Variants in MCTP1 observed in about 807,000 individuals in gnomAD.
MCTP1 encodes the protein multiple C2 and transmembrane domain-containing protein 1.
Under a neutral mutation model 120.6 loss-of-function variants are expected in MCTP1, and 69 were observed. That is an observed-to-expected ratio of 0.57 (90% CI 0.47 to 0.70). The LOEUF is 0.70. MCTP1 is among the 30% of genes least tolerant of loss of function. The pLI is 0.00. For missense variants in MCTP1, 1,203 were observed against 1,248.8 expected, an observed-to-expected ratio of 0.96 and a Z score of 0.55; for synonymous variants, 529 against 493.1, an observed-to-expected ratio of 1.07 and a Z score of -0.96.
chr5:95,160,087 T>C (rs1428320052), intron 1 of MCTP1, among the ~76,000 whole-genome samples: 1 of 152,172 alleles, frequency 6.6e-6, no homozygotes, highest in Non-Finnish European at 1.5e-5. Flanking sequence ...TGAAGTGCTT[T>C]GTATACAACG....
At position 95,061,408 on chromosome 5, in the gene MCTP1, GTTTTTTTTTTTTTTTTTTTTTT is replaced by G. The variant is rs556663513; in HGVS notation, c.721-43946_721-43925del. On this transcript the variant is annotated intron_variant, in intron 1 of 22. Transcript: ENST00000515393. ...ATCAATTTTCACAAACCCCTTAAGG[GTTTTTTTTTTTTTTTTTTTTTT>G]TTTTTTTTTTTTTTTTTTTTTTTGA... Among the ~76,000 whole-genome samples, 92 of 33,490 alleles carry G rather than the reference GTTTTTTTTTTTTTTTTTTTTTT, an allele frequency of 2.7e-3. 5 individuals are homozygous for G. Among genetic ancestry groups the G allele is most frequent in the Admixed American group, 4.6e-3 (13 of 2,808 alleles). 22.0% of individuals were successfully genotyped at this position (33,490 alleles called of 152,430 possible).
At chr5:95,005,708 C>G (rs1485413454) in intron 2 of MCTP1, among the ~76,000 whole-genome samples, 1 of 151,872 alleles carries the variant, frequency 6.6e-6, no homozygotes, top group Admixed American at 6.6e-5. Flanking sequence ...GAGGCCTCCT[C>G]AGAAAGAGAA....
At chr5:95,203,702 T>C (rs1751317607) in intron 1 of MCTP1, among the ~76,000 whole-genome samples, 1 of 152,228 alleles carries the variant, frequency 6.6e-6, no homozygotes, top group Non-Finnish European at 1.5e-5. Flanking sequence ...AGTTAAAAGC[T>C]AAACTGCCAA....
intron 10 of MCTP1, 66 bp downstream of exon 10, chr5:94,909,185 T>C (rs1807773296): frequency 3.9e-6 from 6 of 1,542,268 alleles, no homozygotes; most frequent in Non-Finnish European, 4.4e-6. Context: ...ATAACCAGGC[T>C]TACAGCAAAT....
intron 17 of MCTP1, 181 bp downstream of exon 17, chr5:94,868,152 T>C (rs1797170866): frequency 2.3e-6 from 1 of 436,634 alleles, no homozygotes; most frequent in East Asian, 3.8e-5. Context: ...AATGTATTCT[T>C]AGACTCAGAC....
intron 2 of MCTP1, among the ~76,000 whole-genome samples, chr5:95,014,340 G>A (rs1836658286): frequency 6.6e-6 from 1 of 152,116 alleles, no homozygotes; most frequent in African/African-American, 2.4e-5. Flanking sequence ...GGAAGAAGTT[G>A]ATTTTAACCC....
At position 95,100,180 on chromosome 5, in the gene MCTP1, G is replaced by A. The variant is rs906708677; in HGVS notation, c.721-82696C>T. The stretch of plus-strand genomic sequence containing the variant: ...GGAGATATACCTAATGCTAGATGAC[G>A]AGTTAGTGGGTGCAGCGCACCAGCA... On this transcript the variant is annotated intron_variant, in intron 1 of 22. Coordinates refer to ENST00000515393, the MANE Select transcript of MCTP1 (RefSeq NM_024717.7). Among the ~76,000 whole-genome samples the A allele has an allele frequency of 1.1e-3, 159 of 151,148 alleles. 1 individual carries two copies. The highest frequency in any genetic ancestry group is 1.2e-4 in the Non-Finnish European group (8 of 67,806).
intron 8 of MCTP1, among the ~76,000 whole-genome samples, chr5:94,914,283 G>A (rs1042276389): frequency 2.6e-5 from 4 of 152,014 alleles, no homozygotes; most frequent in South Asian, 2.1e-4. Context: ...TCTAAATTAC[G>A]GATTAGCACT....
At chr5:95,144,996 G>A (rs1298584965) in intron 1 of MCTP1, among the ~76,000 whole-genome samples, 2 of 152,084 alleles carry the variant, frequency 1.3e-5, no homozygotes, top group Admixed American at 6.6e-5. Context: ...GGGAAATATG[G>A]CCATTTTAAT....
At chr5:94,991,336 T>A (rs1386506031) in intron 2 of MCTP1, among the ~76,000 whole-genome samples, 1 of 152,220 alleles carries the variant, frequency 6.6e-6, no homozygotes, top group African/African-American at 2.4e-5. Context: ...TGACTTCTGC[T>A]AAGACATTGT....
Position 94,983,526 on chromosome 5 carries a change from T to G in MCTP1, c.839-30165A>C, listed in dbSNP as rs187110764. 1.7e-3 allele frequency among the ~76,000 whole-genome samples: 264 copies of G among 152,162 alleles called. 1 individual carries two copies. Among genetic ancestry groups the G allele is most frequent in the African/African-American group, 5.1e-3 (213 of 41,508 alleles). On this transcript the variant is annotated intron_variant, in intron 2 of 22. Transcript: ENST00000515393. The stretch of plus-strand genomic sequence containing the variant: ...AGATCCAAAAAATATAGTGGCTTGG[T>G]CAGGCATGGTGGCTCATGCCTGTAA...
chr5:94,989,592 G>A (rs2153612834), intron 2 of MCTP1, among the ~76,000 whole-genome samples: 1 of 152,228 alleles, frequency 6.6e-6, no homozygotes. Context: ...TAAGACCTTT[G>A]GAATCTCTGG....
At chr5:95,253,713 T>C (rs1338674792) in intron 1 of MCTP1, among the ~76,000 whole-genome samples, 2 of 152,064 alleles carry the variant, frequency 1.3e-5, no homozygotes, top group Admixed American at 1.3e-4. Flanking sequence ...CAAACTAATA[T>C]AAAAAGACAA....
At chr5:94,757,810 A>C (rs1770294260) in intron 19 of MCTP1, among the ~76,000 whole-genome samples, 1 of 152,220 alleles carries the variant, frequency 6.6e-6, no homozygotes, top group African/African-American at 2.4e-5. Context: ...TTAGTCTCCA[A>C]GGAAGAACAA....
At chr5:94,837,261 G>T (rs976511216) in intron 17 of MCTP1, among the ~76,000 whole-genome samples, 2 of 152,060 alleles carry the variant, frequency 1.3e-5, no homozygotes, top group African/African-American at 4.8e-5. Context: ...CACACCTGTA[G>T]TCCCAGCTGC....
chr5:94,786,834 C>T (rs1330073879), intron 18 of MCTP1, among the ~76,000 whole-genome samples: 1 of 152,040 alleles, frequency 6.6e-6, no homozygotes, highest in African/African-American at 2.4e-5. Context: ...CATTTAAATT[C>T]ATCAGTCCAT....
chr5:95,041,858 C>T (rs1842419617), intron 1 of MCTP1, among the ~76,000 whole-genome samples: 2 of 152,164 alleles, frequency 1.3e-5, no homozygotes, highest in South Asian at 2.1e-4. Flanking sequence ...TTAACATACA[C>T]TTCTTCATTT....
intron 1 of MCTP1, among the ~76,000 whole-genome samples, chr5:95,176,919 C>T (rs946776918): frequency 1.3e-5 from 2 of 151,402 alleles, no homozygotes; most frequent in African/African-American, 4.9e-5. Context: ...GGCTAGAGTG[C>T]AGTGGTGCAA....
intron 17 of MCTP1, among the ~76,000 whole-genome samples, chr5:94,856,880 A>G (rs997541309): frequency 6.6e-6 from 1 of 151,690 alleles, no homozygotes; most frequent in Non-Finnish European, 1.5e-5. Context: ...GCAACCAGTT[A>G]ACATTTCTGG....
Sources: gnomAD v4.1 joint callset for allele counts (sites outside exome capture counted in the v4.1 genomes callset) on GRCh38, gnomAD v4.1.1 for gene constraint, MANE v1.5 for transcripts, NCBI Gene and HGNC (gene_info 2026-07-23, HGNC 2026-07-21) for gene names.